Variants in ANGEL1 observed in about 807,000 individuals in gnomAD.
The protein encoded by ANGEL1 is angel homolog 1.
A neutral mutation model predicts 76.4 loss-of-function variants in ANGEL1; 62 were observed. The observed-to-expected ratio is 0.81, with a 90% confidence interval of 0.66 to 1.00. The LOEUF (loss-of-function observed/expected upper bound fraction) is 1.00. Among genes scored for constraint, ANGEL1 ranks in the 50% least tolerant of loss-of-function variants. The pLI is 0.00. For missense variants in ANGEL1, 737 were observed against 836.7 expected, an observed-to-expected ratio of 0.88 and a Z score of 1.47; for synonymous variants, 340 against 331.7, an observed-to-expected ratio of 1.03 and a Z score of -0.27.
At chr14:76,794,075 A>G (rs1029862688) in intron 7 of ANGEL1, among the ~76,000 whole-genome samples, 2 of 152,168 alleles carry the variant, frequency 1.3e-5, no homozygotes, top group South Asian at 2.1e-4. Flanking sequence ...CAGGAAGGGA[A>G]CAGAACTGAG....
At chr14:76,791,480 C>A in intron 7 of ANGEL1, 114 bp from the exon 8 acceptor site, 12 of 943,266 alleles carry the variant, frequency 1.3e-5, no homozygotes, top group Non-Finnish European at 1.7e-5. Context: ...TCAGAAGGAT[C>A]CAGAAGGAGA....
intron 1 of ANGEL1, chr14:76,810,310 A>C: frequency 2.4e-6 from 1 of 425,528 alleles, no homozygotes; most frequent in Non-Finnish European, 4.7e-6. Flanking sequence ...GGTCCTAGCT[A>C]CTTGGGAGGC....
intron 7 of ANGEL1, among the ~76,000 whole-genome samples, chr14:76,800,602 T>C (rs1894731594): frequency 6.6e-6 from 1 of 152,226 alleles, no homozygotes; most frequent in African/African-American, 2.4e-5. Flanking sequence ...TAGTTGAGTA[T>C]AATATTCTTG....
At chr14:76,804,286 G>T in intron 5 of ANGEL1, 1 of 1,235,338 alleles carries the variant, frequency 8.1e-7, no homozygotes, top group Non-Finnish European at 1.0e-6. Context: ...CCTCATCTTT[G>T]GATCTTCTGG....
In ANGEL1 at chr14:76,809,569, T is replaced by C; in HGVS notation, c.139A>G (p.Met47Val). ...TCCTGCTCAGGGCCCCGAGGGGCCA[T>C]GGCAAAGTCGCCCTCTACCTGGGGG... ...SSPQVEGDFA[M>V]APRGPEQEEC... Residue 47 changes from methionine (M) to valine (V), a missense_variant, in exon 2 of 10, where the codon ATG (methionine) becomes GTG (valine). Physicochemically the swap from Met to Val is conservative, Grantham distance 21. This residue lies in a region of ANGEL1 where 441 missense variants were observed against 449.5 expected (regional missense o/e 0.98). Transcript: ENST00000251089. 6.2e-7 allele frequency: 1 copy of C among 1,614,226 alleles called. No individual in the cohort carries two copies. The highest frequency in any genetic ancestry group is 1.1e-5 in the South Asian group (1 of 91,088).
At position 76,809,395 on chromosome 14, in the gene ANGEL1, AAGC is replaced by A; in HGVS notation, c.310_312del (p.Ala104del). 6.2e-7 allele frequency: 1 copy of A among 1,614,202 alleles called. No homozygotes were observed. Among genetic ancestry groups the A allele is most frequent in the Non-Finnish European group, 8.5e-7 (1 of 1,180,038 alleles). On this transcript the variant is annotated inframe_deletion, in exon 2 of 10. Transcript: ENST00000251089. ...TGCCTGCTGGACCACCTGTCCTCTG[AAGC>A]AGCATTCTCTTCTCCAGGATTATCC...
rs111930718 is a variant in ANGEL1 at position 76,792,285 on chromosome 14, C to T, written c.1619-919G>A. Reference sequence around the variant, plus strand: ...ATTTTAAAACATCCCACAAAGAAAACACCAGGCTCAATGGCTTCACTGGTG... The same window carrying T: ...ATTTTAAAACATCCCACAAAGAAAATACCAGGCTCAATGGCTTCACTGGTG... On this transcript the variant is annotated intron_variant, in intron 7 of 9. Coordinates refer to ENST00000251089, the MANE Select transcript of ANGEL1 (RefSeq NM_015305.4). 3.4e-3 allele frequency among the ~76,000 whole-genome samples: 524 copies of T among 152,104 alleles called. 5 individuals are homozygous for T. The highest frequency in any genetic ancestry group is 9.8e-3 in the Admixed American group (149 of 15,278).
intron 7 of ANGEL1, among the ~76,000 whole-genome samples, chr14:76,795,489 TGTCA>T (rs1378487132): frequency 1.3e-5 from 2 of 152,192 alleles, no homozygotes; most frequent in East Asian, 1.9e-4. Context: ...TACTGTCAGG[TGTCA>T]GTGTCAATAT....
chr14:76,805,895 G>C (rs540504595), intron 5 of ANGEL1, among the ~76,000 whole-genome samples: 2 of 152,310 alleles, frequency 1.3e-5, no homozygotes, highest in South Asian at 4.1e-4. Context: ...TTTATAAAAT[G>C]GAAGCCATGA....
chr14:76,804,372 T>G, intron 5 of ANGEL1: 1 of 1,029,568 alleles, frequency 9.7e-7, no homozygotes, highest in Non-Finnish European at 1.2e-6. Flanking sequence ...CAAAGCACTT[T>G]ACCGTATCTA....
In ANGEL1 at chr14:76,812,697, G is replaced by A. The variant is rs1161289708; in HGVS notation, c.64+67C>T. The A allele has an allele frequency of 6.9e-6, 10 of 1,446,514 alleles. No individual in the cohort carries two copies. The South Asian group carries it at 1.1e-4, about 16-fold the overall frequency. 89.6% of individuals were successfully genotyped at this position (1,446,514 alleles called of 1,614,324 possible). A position where few individuals can be genotyped will look rare whatever the true frequency, so the allele number is the denominator to read the frequency against. ...GCCCGGCCAACCGCACGCCGCCCCA[G>A]GCCCGCGGAGCCCCGCAGAGGCGAG... On this transcript the variant is annotated intron_variant, in intron 1 of 9. Coordinates refer to ENST00000251089, the MANE Select transcript of ANGEL1 (RefSeq NM_015305.4).
chr14:76,812,585 C>T, intron 1 of ANGEL1, 179 bp downstream of exon 1: 2 of 1,274,152 alleles, frequency 1.6e-6, no homozygotes, highest in Non-Finnish European at 2.0e-6. Flanking sequence ...AGGTCCAGGC[C>T]TCGTGGGGTC....
In ANGEL1 at chr14:76,800,986, AG is replaced by A. The variant is rs1894745467; in HGVS notation, c.1618+2384del. 2.6e-5 allele frequency among the ~76,000 whole-genome samples: 4 copies of A among 152,076 alleles called. No individual in the cohort carries two copies. The South Asian group carries it at 6.2e-4, about 24-fold the overall frequency. Reference sequence around the variant, plus strand: ...AGACTTTGTCTCAAAAAAAAAAAAAAGTCTGAGGTCAACCTCATCACCGTTA... The same window carrying A: ...AGACTTTGTCTCAAAAAAAAAAAAAATCTGAGGTCAACCTCATCACCGTTA... On this transcript the variant is annotated intron_variant, in intron 7 of 9. Coordinates refer to ENST00000251089, the MANE Select transcript of ANGEL1 (RefSeq NM_015305.4).
chr14:76,791,106 A>C (rs1013366441), intron 8 of ANGEL1, among the ~76,000 whole-genome samples, 191 bp downstream of exon 8: 2 of 152,204 alleles, frequency 1.3e-5, no homozygotes, highest in Non-Finnish European at 2.9e-5. Context: ...TTTCACCTGC[A>C]GTAACATGGG....
rs903203597 is a variant in ANGEL1 at position 76,804,185 on chromosome 14, C to T, written c.1381-273G>A. On this transcript the variant is annotated intron_variant, in intron 5 of 9. Transcript: ENST00000251089. ...TCGAATAGTATGAACATGTGGTTCC[C>T]TAAATTTTACCTCTGAAAAATCAAT... The T allele has an allele frequency of 9.2e-6, 13 of 1,409,494 alleles. No homozygotes were observed. In the South Asian group the frequency reaches 2.0e-4, roughly 21 times the overall value. 87.3% of individuals were successfully genotyped at this position (1,409,494 alleles called of 1,614,324 possible).
chr14:76,793,557 GT>G (rs113463837), intron 7 of ANGEL1, among the ~76,000 whole-genome samples: 3 of 131,844 alleles, frequency 2.3e-5, no homozygotes, highest in Admixed American at 7.9e-5. Context: ...GGTTTTTTTG[GT>G]TTTTTTTTTT....
rs200451777 is a variant in ANGEL1, at chr14:76,803,811, G to A, written c.1482C>T (p.Val494=). Reference sequence around the variant, plus strand: ...CTGATCTCTTGGGGTGACAGGAGGTGACATACTGACAGCAATCAGTGATGC... The same window carrying A: ...CTGATCTCTTGGGGTGACAGGAGGTAACATACTGACAGCAATCAGTGATGC... ...SLGITDCCQY[V]TSCHPKRSER... is the part of the protein sequence containing the mutation. The change falls in exon 6 of 10, where the codon GTC becomes GTT. Residue 494 remains valine, a synonymous_variant. Coordinates refer to ENST00000251089, the MANE Select transcript of ANGEL1 (RefSeq NM_015305.4). 5 of 1,613,768 alleles carry A rather than the reference G, an allele frequency of 3.1e-6. No homozygotes were observed. Among genetic ancestry groups the A allele is most frequent in the Non-Finnish European group, 4.2e-6 (5 of 1,179,922 alleles).
chr14:76,793,009 G>T (rs1328512885), intron 7 of ANGEL1, among the ~76,000 whole-genome samples: 1 of 152,004 alleles, frequency 6.6e-6, no homozygotes, highest in Non-Finnish European at 1.5e-5. Flanking sequence ...AATCCACTAA[G>T]AAACTATTAG....
intron 7 of ANGEL1, 64 bp downstream of exon 7, chr14:76,803,307 T>G: frequency 7.5e-7 from 1 of 1,331,096 alleles, no homozygotes. Flanking sequence ...GGAAACCACA[T>G]AACTGACCAA....
Sources: allele counts gnomAD v4.1 joint callset (sites outside exome capture counted in the v4.1 genomes callset), GRCh38; gene constraint gnomAD v4.1.1; regional missense constraint gnomAD v4.1.1; transcripts MANE v1.5; gene names NCBI Gene and HGNC (gene_info 2026-07-23, HGNC 2026-07-21).